The following PCDHA11 variants were observed in gnomAD, a reference collection of about 807,000 sequenced individuals.
PCDHA11 encodes protocadherin alpha 11.
A neutral mutation model predicts 70.3 loss-of-function variants in PCDHA11; 61 were observed. The ratio of observed to expected loss-of-function variants is 0.87; its 90% CI spans 0.71 to 1.07. The LOEUF (loss-of-function observed/expected upper bound fraction) is 1.07, where lower values mean the gene tolerates loss of function less well. Ranked by LOEUF, PCDHA11 falls within the 50% of genes least tolerant of loss-of-function variation. The pLI is 0.00. For missense variants in PCDHA11, 1,324 were observed against 1,237.5 expected, an observed-to-expected ratio of 1.07 and a Z score of -1.05; for synonymous variants, 633 against 555.1, an observed-to-expected ratio of 1.14 and a Z score of -1.97.
Position 140,890,095 on chromosome 5 carries a change from C to T in PCDHA11, c.2391+18601C>T, listed in dbSNP as rs1237299507. On this transcript the variant is annotated intron_variant, in intron 1 of 3. Coordinates refer to ENST00000398640, the MANE Select transcript of PCDHA11 (RefSeq NM_018902.5). ...TGAGAACTGATAATGCAAATTTATT[C>T]CCAACTCTGGATTCAATGATGTCAC... Among the ~76,000 whole-genome samples the T allele has an allele frequency of 2.6e-5, 4 of 152,128 alleles. 1 individual carries two copies. The highest frequency in any genetic ancestry group is 1.3e-4 in the Admixed American group (2 of 15,262).
At chr5:140,907,100 C>T (rs1447787481) in intron 1 of PCDHA11, among the ~76,000 whole-genome samples, 2 of 152,098 alleles carry the variant, frequency 1.3e-5, no homozygotes, top group African/African-American at 4.8e-5. Flanking sequence ...GTGCCACTTC[C>T]ACTTCCACCC....
At chr5:140,895,072 A>G (rs974661383) in intron 1 of PCDHA11, among the ~76,000 whole-genome samples, 1 of 152,090 alleles carries the variant, frequency 6.6e-6, no homozygotes, top group Admixed American at 6.5e-5. Flanking sequence ...CTCAATTCCT[A>G]TCAGTTCCTC....
At chr5:140,990,988 C>A (rs1332573282) in intron 3 of PCDHA11, among the ~76,000 whole-genome samples, 5 of 152,184 alleles carry the variant, frequency 3.3e-5, no homozygotes, top group Admixed American at 6.5e-5. Flanking sequence ...AAGACAATAG[C>A]TACCATTTAT....
At chr5:140,880,009 T>C (rs2058206618) in intron 1 of PCDHA11, among the ~76,000 whole-genome samples, 1 of 152,232 alleles carries the variant, frequency 6.6e-6, no homozygotes, top group African/African-American at 2.4e-5. Context: ...TTATTCACCA[T>C]ATAAAGTAAA....
chr5:140,941,191 T>TTTTTCTTTCTTTC lies in PCDHA11; in HGVS notation c.2392-37755_2392-37754insTCTTTCTTTCTTT, dbSNP rs1554213809. On this transcript the variant is annotated intron_variant, in intron 1 of 3. Transcript: ENST00000398640. ...CATCTTGAACATCCTGCTTCTTTTT[T>TTTTTCTTTCTTTC]TTTCTTTCTTCCTTTCTTTCTTCCT... Among the ~76,000 whole-genome samples the TTTTTCTTTCTTTC allele has an allele frequency of 1.3e-4, 12 of 93,256 alleles. No individual in the cohort carries two copies. In the East Asian group the frequency reaches 2.9e-3, roughly 23 times the overall value. 61.2% of individuals were successfully genotyped at this position (93,256 alleles called of 152,430 possible). A position where few individuals can be genotyped will look rare whatever the true frequency, so the allele number is the denominator to read the frequency against.
chr5:140,881,587 G>C (rs1025219392), intron 1 of PCDHA11, among the ~76,000 whole-genome samples: 2 of 152,186 alleles, frequency 1.3e-5, no homozygotes, highest in Non-Finnish European at 1.5e-5. Context: ...CACATTGAGG[G>C]AAATTTATTA....
At position 141,010,065 on chromosome 5, in the gene PCDHA11, A is replaced by G; in HGVS notation, c.*128A>G. The stretch of plus-strand genomic sequence containing the variant: ...CTTAGAGACCTCAGAAATCTGCAGA[A>G]AGTTCCCTGTGTCTGTCTAGAACGC... On this transcript the variant is annotated 3_prime_UTR_variant, in exon 4 of 4. Coordinates refer to ENST00000398640, the MANE Select transcript of PCDHA11 (RefSeq NM_018902.5). The G allele has an allele frequency of 1.9e-6, 3 of 1,603,546 alleles. No homozygotes were observed. The highest frequency in any genetic ancestry group is 1.1e-5 in the South Asian group (1 of 89,360).
At chr5:140,896,555 T>C (rs2065621728) in intron 1 of PCDHA11, among the ~76,000 whole-genome samples, 1 of 151,910 alleles carries the variant, frequency 6.6e-6, no homozygotes, top group African/African-American at 2.4e-5. Context: ...TTTTGTATTT[T>C]AAGTAGAGAT....
chr5:140,950,874 G>C (rs1237864508), intron 1 of PCDHA11, among the ~76,000 whole-genome samples: 20 of 151,700 alleles, frequency 1.3e-4, no homozygotes, highest in African/African-American at 4.8e-4. Flanking sequence ...ATTCTATATT[G>C]TTCAATAGGT....
intron 1 of PCDHA11, among the ~76,000 whole-genome samples, chr5:140,903,075 C>T (rs2069986128): frequency 6.6e-6 from 1 of 152,114 alleles, no homozygotes; most frequent in Non-Finnish European, 1.5e-5. Flanking sequence ...TGGGTAGATA[C>T]CTGATAGTGG....
chr5:140,977,484 G>A (rs2096763384), intron 1 of PCDHA11, among the ~76,000 whole-genome samples: 1 of 152,220 alleles, frequency 6.6e-6, no homozygotes. Flanking sequence ...TTTATGCTAT[G>A]TTATATGGAA....
At chr5:140,877,443 C>G (rs376417721) in intron 1 of PCDHA11, 15 of 1,613,726 alleles carry the variant, frequency 9.3e-6, no homozygotes, top group African/African-American at 1.3e-5. Context: ...ACGGTGAGCC[C>G]GCGCTGACGT....
In PCDHA11 at chr5:140,927,251, A is replaced by G. The variant is rs782356440; in HGVS notation, c.2392-51698A>G. The G allele has an allele frequency of 7.4e-6, 12 of 1,613,434 alleles. No homozygotes were observed. The Admixed American group carries it at 1.2e-4, about 16-fold the overall frequency. On this transcript the variant is annotated intron_variant, in intron 1 of 3. Transcript: ENST00000398640. The stretch of plus-strand genomic sequence containing the variant: ...ATTCACGTCCTGGACACCAATGACA[A>G]CTCACCTCTCTTTCCTGCCGGCGAC...
At chr5:140,981,203 C>T (rs2096922514) in intron 2 of PCDHA11, among the ~76,000 whole-genome samples, 1 of 152,212 alleles carries the variant, frequency 6.6e-6, no homozygotes, top group South Asian at 2.1e-4. Flanking sequence ...TCTGTTGCCT[C>T]ATATAACCCC....
chr5:140,902,203 CTTT>C lies in PCDHA11; in HGVS notation c.2391+30725_2391+30727del, dbSNP rs148688132. ...TTATGTCTTCTCTCTCTCTCTCTTT[CTTT>C]TTTTTTTTTTTTTTTGAGATGAGGA... On this transcript the variant is annotated intron_variant, in intron 1 of 3. Coordinates refer to ENST00000398640, the MANE Select transcript of PCDHA11 (RefSeq NM_018902.5). Among the ~76,000 whole-genome samples, 328 of 124,424 alleles carry C rather than the reference CTTT, an allele frequency of 2.6e-3. 2 individuals are homozygous for C. Among genetic ancestry groups the C allele is most frequent in the Middle Eastern group, 0.017 (4 of 242 alleles). 81.6% of individuals were successfully genotyped at this position (124,424 alleles called of 152,430 possible).
intron 1 of PCDHA11, among the ~76,000 whole-genome samples, chr5:140,874,119 G>C (rs1256177133): frequency 6.6e-6 from 1 of 152,064 alleles, no homozygotes; most frequent in Non-Finnish European, 1.5e-5. Flanking sequence ...ACGTTTTATA[G>C]TTTATTTAAG....
rs149166530 is a variant in PCDHA11, at chr5:140,990,443, A to G, written c.2539+7880A>G. Among the ~76,000 whole-genome samples the G allele has an allele frequency of 8.3e-4, 127 of 152,344 alleles. 2 individuals carry two copies. The East Asian group carries it at 0.024, about 29-fold the overall frequency. On this transcript the variant is annotated intron_variant, in intron 3 of 3. Transcript: ENST00000398640. ...CCAGCATTGACCCAATCTTGTGTCC[A>G]GAGCTGTTGCTGTAGGTGGTATCAT...
At chr5:140,908,530 T>G (rs1554193400) in intron 1 of PCDHA11, among the ~76,000 whole-genome samples, 1 of 152,148 alleles carries the variant, frequency 6.6e-6, no homozygotes, top group African/African-American at 2.4e-5. Flanking sequence ...AATGTTCAGT[T>G]TCCACCAAAG....
At chr5:140,990,395 G>A (rs916362624) in intron 3 of PCDHA11, among the ~76,000 whole-genome samples, 1 of 152,116 alleles carries the variant, frequency 6.6e-6, no homozygotes, top group Non-Finnish European at 1.5e-5. Flanking sequence ...GTTCCAAGAA[G>A]GTTCACCAGC....
Sources: allele counts gnomAD v4.1 joint callset (sites outside exome capture counted in the v4.1 genomes callset), GRCh38; gene constraint gnomAD v4.1.1; transcripts MANE v1.5; gene names NCBI Gene and HGNC (gene_info 2026-07-23, HGNC 2026-07-21).